DLG2: variants seen among roughly 807,000 people sequenced by gnomAD.
DLG2 encodes the protein disks large homolog 2.
A neutral mutation model predicts 132.5 loss-of-function variants in DLG2; 45 were observed. The ratio of observed to expected loss-of-function variants is 0.34; its 90% confidence interval spans 0.27 to 0.44. DLG2 has a LOEUF of 0.44. Among genes scored for constraint, DLG2 ranks in the 20% least tolerant of loss-of-function variants. The probability of loss-of-function intolerance (pLI) is 1.00; values close to 1 mark genes in which losing one functional copy is unlikely to be tolerated. For missense variants in DLG2, 1,045 were observed against 1,196.9 expected (o/e 0.87, Z 1.87); for synonymous variants, 424 against 419.6 (o/e 1.01, Z -0.13).
intron 3 of DLG2, among the ~76,000 whole-genome samples, chr11:85,375,893 T>G (rs1193910061): frequency 6.6e-6 from 1 of 152,152 alleles, no homozygotes. Flanking sequence ...CTCCCCAAGA[T>G]AAGATATTTA....
chr11:83,715,004 A>C (rs1050976850), intron 18 of DLG2, among the ~76,000 whole-genome samples: 1 of 152,194 alleles, frequency 6.6e-6, no homozygotes, highest in African/African-American at 2.4e-5. Flanking sequence ...AAGTCTTGGG[A>C]CCAACCCAAA....
intron 6 of DLG2, among the ~76,000 whole-genome samples, chr11:84,631,774 T>A (rs1025541096): frequency 6.6e-6 from 1 of 152,176 alleles, no homozygotes; most frequent in Admixed American, 6.5e-5. Context: ...CTGGTGCTAT[T>A]TCAGGTAACA....
At chr11:83,831,528 A>C (rs1309549774) in intron 17 of DLG2, among the ~76,000 whole-genome samples, 2 of 150,880 alleles carry the variant, frequency 1.3e-5, no homozygotes, top group Non-Finnish European at 3.0e-5. Flanking sequence ...GTGTGTGTGT[A>C]TGTCAGAGAG....
At chr11:84,372,981 T>C (rs1435912611) in intron 7 of DLG2, among the ~76,000 whole-genome samples, 4 of 151,874 alleles carry the variant, frequency 2.6e-5, no homozygotes, top group African/African-American at 4.8e-5. Context: ...CGAGAGTTAC[T>C]GGCATATGTG....
intron 6 of DLG2, among the ~76,000 whole-genome samples, chr11:85,081,810 T>C (rs549107888): frequency 7.9e-5 from 12 of 152,318 alleles, no homozygotes; most frequent in Admixed American, 6.5e-4. Flanking sequence ...GAAATCTTAA[T>C]TTTTCCTCCA....
At chr11:85,534,788 T>C (rs1331708570) in intron 3 of DLG2, among the ~76,000 whole-genome samples, 3 of 152,220 alleles carry the variant, frequency 2.0e-5, no homozygotes, top group East Asian at 1.9e-4. Flanking sequence ...TGAATGGTGC[T>C]GCAATAAACA....
At chr11:84,583,239 A>T (rs969968212) in intron 6 of DLG2, among the ~76,000 whole-genome samples, 4 of 152,226 alleles carry the variant, frequency 2.6e-5, no homozygotes, top group African/African-American at 9.6e-5. Context: ...ACATGGCAGC[A>T]TATGAATATA....
rs762379368 is a variant in DLG2 at position 84,534,725 on chromosome 11, G to T, written c.364C>A (p.Arg122=). 6.2e-7 allele frequency: 1 copy of T among 1,613,878 alleles called. No homozygotes were observed. Among genetic ancestry groups the T allele is most frequent in the Non-Finnish European group, 8.5e-7 (1 of 1,179,876 alleles). ...WMPVHHCTKY[R]YQDEDAPHDH... ...TGTGGAGCGTCCTCATCTTGATATC[G>T]ATACTTCTAGGAGAAAAGAAAAGAA... Residue 122 remains arginine (R), a synonymous_variant, in exon 7 of 28, where the codon CGA becomes AGA. Coordinates refer to ENST00000376104, the MANE Select transcript of DLG2 (RefSeq NM_001142699.3).
At chr11:84,320,444 G>T (rs2098398138) in intron 7 of DLG2, among the ~76,000 whole-genome samples, 1 of 152,142 alleles carries the variant, frequency 6.6e-6, no homozygotes, top group South Asian at 2.1e-4. Flanking sequence ...ATCCTTATCA[G>T]CCACAAGTAA....
intron 16 of DLG2, among the ~76,000 whole-genome samples, chr11:83,859,713 T>G (rs1485915189): frequency 6.6e-6 from 1 of 152,194 alleles, no homozygotes; most frequent in Non-Finnish European, 1.5e-5. Context: ...AATGAGGAGC[T>G]GAATGTTAGT....
chr11:83,980,449 C>T (rs1465122196), intron 12 of DLG2, 57 bp downstream of exon 12: 24 of 1,557,756 alleles, frequency 1.5e-5, no homozygotes, highest in South Asian at 3.7e-5. Flanking sequence ...GACAGTCATA[C>T]ACTGGAAAAC....
intron 6 of DLG2, among the ~76,000 whole-genome samples, chr11:85,094,619 T>C (rs941071310): frequency 6.6e-6 from 1 of 152,212 alleles, no homozygotes; most frequent in Admixed American, 6.5e-5. Context: ...ACTTTTCCTC[T>C]TGGTCTTCAG....
chr11:84,808,219 A>T (rs759565099), intron 6 of DLG2, among the ~76,000 whole-genome samples: 6 of 152,076 alleles, frequency 3.9e-5, no homozygotes, highest in Non-Finnish European at 7.4e-5. Context: ...TAAAAACCAT[A>T]CTACTAAATA....
chr11:85,134,634 G>T (rs1038544602), intron 5 of DLG2, among the ~76,000 whole-genome samples: 5 of 150,968 alleles, frequency 3.3e-5, no homozygotes, highest in Non-Finnish European at 5.9e-5. Context: ...AATTATTGAG[G>T]TTCTAACCTC....
chr11:85,121,624 T>C (rs1402070645), intron 5 of DLG2, among the ~76,000 whole-genome samples: 1 of 152,078 alleles, frequency 6.6e-6, no homozygotes, highest in Non-Finnish European at 1.5e-5. Flanking sequence ...ATCATAGATG[T>C]GATTCAATTG....
intron 3 of DLG2, among the ~76,000 whole-genome samples, chr11:85,335,057 C>G (rs1401546128): frequency 3.3e-5 from 5 of 152,090 alleles, no homozygotes; most frequent in African/African-American, 1.2e-4. Context: ...TTATCTAAGT[C>G]TCTTTGAAGA....
intron 6 of DLG2, among the ~76,000 whole-genome samples, chr11:85,093,080 G>T (rs1012653894): frequency 1.3e-5 from 2 of 152,138 alleles, no homozygotes; most frequent in Non-Finnish European, 2.9e-5. Context: ...TTTCGACTGT[G>T]GGGTGAGTTG....
Position 83,989,451 on chromosome 11 carries a change from A to C in DLG2, c.920-8809T>G, listed in dbSNP as rs563155695. 7.2e-5 allele frequency among the ~76,000 whole-genome samples: 11 copies of C among 152,272 alleles called. No homozygotes were observed. The South Asian group carries it at 1.9e-3, about 26-fold the overall frequency. The stretch of plus-strand genomic sequence containing the variant: ...GTTGTTGGGAAAACATGACACCAAC[A>C]CTTTGGCATAATCTGTCTGGTTTGG... On this transcript the variant is annotated intron_variant, in intron 11 of 27. Coordinates refer to ENST00000376104, the MANE Select transcript of DLG2 (RefSeq NM_001142699.3).
chr11:85,064,053 T>G (rs1253319126), intron 6 of DLG2, among the ~76,000 whole-genome samples: 3 of 151,834 alleles, frequency 2.0e-5, no homozygotes, highest in Non-Finnish European at 4.4e-5. Flanking sequence ...ATGGGTATGT[T>G]TGTTAAAAAA....
Sources: allele counts gnomAD v4.1 joint callset (sites outside exome capture counted in the v4.1 genomes callset), GRCh38; gene constraint gnomAD v4.1.1; transcripts MANE v1.5; gene names NCBI Gene and HGNC (gene_info 2026-07-23, HGNC 2026-07-21).